The following NCAM2 variants were observed in gnomAD, a reference collection of about 807,000 sequenced individuals.
NCAM2 encodes the protein N-CAM-2.
A neutral mutation model predicts 98.1 loss-of-function variants in NCAM2; 30 were observed. The observed-to-expected ratio is 0.31, with a 90% confidence interval of 0.23 to 0.41. The LOEUF is 0.41. NCAM2 is among the 10% of genes least tolerant of loss of function. The pLI is 1.00. For synonymous variants in NCAM2, 368 were observed against 342.4 expected, an observed-to-expected ratio of 1.07 and a Z score of -0.83; for missense variants, 867 against 1,005.8, an observed-to-expected ratio of 0.86 and a Z score of 1.87.
chr21:21,196,142 A>G (rs1156572591), intron 1 of NCAM2, among the ~76,000 whole-genome samples: 1 of 152,118 alleles, frequency 6.6e-6, no homozygotes, highest in East Asian at 1.9e-4. Context: ...GAGAAAGCCC[A>G]CTCAGTTCCC....
intron 1 of NCAM2, among the ~76,000 whole-genome samples, chr21:21,042,928 G>A (rs1224060172): frequency 2.0e-5 from 3 of 152,180 alleles, no homozygotes; most frequent in African/African-American, 7.2e-5. Flanking sequence ...AAAAGAAAAT[G>A]TGTGAAATCC....
At chr21:21,065,832 T>C (rs755471770) in intron 1 of NCAM2, among the ~76,000 whole-genome samples, 2 of 152,188 alleles carry the variant, frequency 1.3e-5, no homozygotes, top group Non-Finnish European at 2.9e-5. Flanking sequence ...GTCAATAAAT[T>C]TGAGCAAATT....
chr21:21,280,946 A>G (rs2072907834), intron 2 of NCAM2, among the ~76,000 whole-genome samples: 2 of 151,600 alleles, frequency 1.3e-5, no homozygotes, highest in African/African-American at 4.8e-5. Flanking sequence ...ATGCCTGGCT[A>G]ATTTTTGTCT....
At chr21:21,190,814 C>A (rs182471689) in intron 1 of NCAM2, among the ~76,000 whole-genome samples, 315 of 152,204 alleles carry the variant, frequency 2.1e-3, no homozygotes, top group African/African-American at 7.4e-3. Context: ...ATAGCATGTA[C>A]CTTATAGGCT....
chr21:21,478,333 AG>A (rs1387276916), intron 15 of NCAM2, among the ~76,000 whole-genome samples: 1 of 152,058 alleles, frequency 6.6e-6, no homozygotes, highest in Non-Finnish European at 1.5e-5. Context: ...TATACAGAAA[AG>A]AACAGCATAT....
chr21:21,280,885 C>T (rs900648605), intron 2 of NCAM2, among the ~76,000 whole-genome samples: 1 of 151,818 alleles, frequency 6.6e-6, no homozygotes, highest in African/African-American at 2.4e-5. Flanking sequence ...GGGTTCAAGC[C>T]GTTCTCCTGC....
chr21:21,030,564 T>A (rs9978463), intron 1 of NCAM2, among the ~76,000 whole-genome samples: 109,532 of 151,612 alleles, frequency 0.72, 39,861 homozygotes, highest in Admixed American at 0.79. Context: ...TCCTGCAAAG[T>A]CTTTTTGCCA....
chr21:21,110,866 A>C (rs1161557058), intron 1 of NCAM2, among the ~76,000 whole-genome samples: 1 of 151,998 alleles, frequency 6.6e-6, no homozygotes, highest in Non-Finnish European at 1.5e-5. Context: ...AGATTATAAC[A>C]CAGAGTCAGT....
intron 1 of NCAM2, among the ~76,000 whole-genome samples, chr21:21,255,216 G>A (rs375802342): frequency 6.6e-6 from 1 of 152,048 alleles, no homozygotes; most frequent in African/African-American, 2.4e-5. Context: ...AGTTATCCCC[G>A]AGTACGTTGG....
intron 1 of NCAM2, among the ~76,000 whole-genome samples, chr21:21,118,272 G>A (rs967767286): frequency 6.6e-6 from 1 of 152,176 alleles, no homozygotes; most frequent in Non-Finnish European, 1.5e-5. Flanking sequence ...AGGCGTACAA[G>A]TCACTATAAT....
intron 1 of NCAM2, among the ~76,000 whole-genome samples, chr21:21,045,921 GAT>G (rs1235924216): frequency 6.6e-6 from 1 of 152,174 alleles, no homozygotes; most frequent in Non-Finnish European, 1.5e-5. Context: ...ATTTGTATCA[GAT>G]ATGTATCTTT....
chr21:21,232,188 T>G (rs925713923), intron 1 of NCAM2, among the ~76,000 whole-genome samples: 2 of 151,460 alleles, frequency 1.3e-5, no homozygotes, highest in African/African-American at 4.8e-5. Flanking sequence ...ACCCAAGTAA[T>G]GCTAGAGTTA....
intron 6 of NCAM2, among the ~76,000 whole-genome samples, chr21:21,328,575 C>G (rs949013735): frequency 7.1e-6 from 1 of 140,200 alleles, no homozygotes; most frequent in Non-Finnish European, 1.6e-5. Flanking sequence ...GGGGTATCTT[C>G]CTTTAAAAAA....
At chr21:21,165,863 A>G (rs777999044) in intron 1 of NCAM2, among the ~76,000 whole-genome samples, 24 of 152,174 alleles carry the variant, frequency 1.6e-4, no homozygotes, top group Non-Finnish European at 3.2e-4. Context: ...TCTCTGGGTT[A>G]TAAGTCATTT....
intron 16 of NCAM2, among the ~76,000 whole-genome samples, chr21:21,511,307 A>T (rs1408405761): frequency 2.6e-5 from 4 of 152,114 alleles, no homozygotes; most frequent in African/African-American, 7.2e-5. Flanking sequence ...GCCTCTGCTA[A>T]CAATTATTCT....
intron 16 of NCAM2, among the ~76,000 whole-genome samples, chr21:21,534,300 T>TA (rs1989868108): frequency 6.6e-6 from 1 of 152,070 alleles, no homozygotes; most frequent in African/African-American, 2.4e-5. Flanking sequence ...AAATAATTGA[T>TA]ACAGTTTTGA....
At chr21:21,273,404 T>C (rs967844352) in intron 1 of NCAM2, among the ~76,000 whole-genome samples, 1 of 152,164 alleles carries the variant, frequency 6.6e-6, no homozygotes, top group Non-Finnish European at 1.5e-5. Context: ...TATACTACTA[T>C]ATACTATACT....
At chr21:21,036,318 C>T (rs2064796052) in intron 1 of NCAM2, among the ~76,000 whole-genome samples, 2 of 152,122 alleles carry the variant, frequency 1.3e-5, no homozygotes, top group South Asian at 4.1e-4. Flanking sequence ...ACTTAATAAA[C>T]ACAGCAGGAG....
At chr21:21,372,552 C>A (rs1214720803) in intron 8 of NCAM2, among the ~76,000 whole-genome samples, 1 of 151,726 alleles carries the variant, frequency 6.6e-6, no homozygotes, top group African/African-American at 2.4e-5. Context: ...AATGAATTTT[C>A]TTTCAGATAT....
Sources: gnomAD v4.1 joint callset for allele counts (sites outside exome capture counted in the v4.1 genomes callset) on GRCh38, gnomAD v4.1.1 for gene constraint, MANE v1.5 for transcripts, NCBI Gene and HGNC (gene_info 2026-07-23, HGNC 2026-07-21) for gene names.